The following SMOC2 variants were observed in gnomAD, a reference collection of about 807,000 sequenced individuals.
SMOC2 encodes the protein SPARC-related modular calcium-binding protein 2.
A neutral mutation model predicts 61.4 loss-of-function variants in SMOC2; 39 were observed. That is an observed-to-expected ratio of 0.64 (90% CI 0.49 to 0.83). The LOEUF (loss-of-function observed/expected upper bound fraction) is 0.83. SMOC2 is among the 40% of genes least tolerant of loss of function. The probability of loss-of-function intolerance (pLI) is 0.00; values close to 1 mark genes in which losing one functional copy is unlikely to be tolerated. For missense variants in SMOC2, 556 were observed against 592.9 expected (o/e 0.94, Z 0.65); for synonymous variants, 247 against 239.9 (o/e 1.03, Z -0.27).
intron 7 of SMOC2, among the ~76,000 whole-genome samples, chr6:168,566,636 C>T (rs970959348): frequency 3.9e-5 from 6 of 151,966 alleles, no homozygotes; most frequent in African/African-American, 1.2e-4. Context: ...CACGTGGCAC[C>T]ACACCCGGCC....
chr6:168,631,320 C>T (rs1325268448), intron 9 of SMOC2, among the ~76,000 whole-genome samples: 1 of 152,140 alleles, frequency 6.6e-6, no homozygotes, highest in East Asian at 1.9e-4. Flanking sequence ...AAAGTCAGGC[C>T]TTGGAGCATC....
intron 4 of SMOC2, among the ~76,000 whole-genome samples, chr6:168,532,920 C>A (rs926266124): frequency 3.3e-5 from 5 of 152,142 alleles, no homozygotes; most frequent in African/African-American, 1.2e-4. Context: ...CTGTGTCTGG[C>A]GTAGAAGGAG....
chr6:168,519,374 GAC>G (rs758968523), intron 2 of SMOC2, among the ~76,000 whole-genome samples: 4 of 152,216 alleles, frequency 2.6e-5, no homozygotes, highest in Admixed American at 1.3e-4. Flanking sequence ...TCTTCCAGCA[GAC>G]ACAGTTATCA....
intron 9 of SMOC2, among the ~76,000 whole-genome samples, chr6:168,637,010 C>T (rs1786757069): frequency 6.7e-6 from 1 of 150,202 alleles, no homozygotes; most frequent in Non-Finnish European, 1.5e-5. Flanking sequence ...TCACTCATTC[C>T]AAGTCCTCTC....
chr6:168,510,940 G>A (rs4708745), intron 2 of SMOC2, among the ~76,000 whole-genome samples: 59,893 of 151,878 alleles, frequency 0.39, 13,016 homozygotes, highest in East Asian at 0.59. Context: ...TCCTATATAC[G>A]GTCACAAGGA....
chr6:168,575,407 A>T (rs115694321), intron 7 of SMOC2, among the ~76,000 whole-genome samples: 164 of 152,310 alleles, frequency 1.1e-3, no homozygotes, highest in African/African-American at 3.9e-3. Flanking sequence ...TGTTGGGAAG[A>T]TAAATGCATA....
intron 9 of SMOC2, among the ~76,000 whole-genome samples, chr6:168,618,337 G>T (rs1583164952): frequency 6.6e-6 from 1 of 152,212 alleles, no homozygotes; most frequent in African/African-American, 2.4e-5. Context: ...GTCAAGGAGA[G>T]GCAGGTAGTG....
intron 7 of SMOC2, among the ~76,000 whole-genome samples, chr6:168,557,347 A>G (rs956113710): frequency 6.6e-6 from 1 of 152,220 alleles, no homozygotes; most frequent in African/African-American, 2.4e-5. Context: ...AAAAATATGC[A>G]TAACTAAATT....
At chr6:168,474,149 G>C (rs1018215804) in intron 1 of SMOC2, among the ~76,000 whole-genome samples, 2 of 152,110 alleles carry the variant, frequency 1.3e-5, no homozygotes, top group Non-Finnish European at 2.9e-5. Context: ...TTTAGCACAG[G>C]TGGGGAGGAA....
chr6:168,573,049 G>T (rs1290411409), intron 7 of SMOC2, among the ~76,000 whole-genome samples: 1 of 90,398 alleles, frequency 1.1e-5, no homozygotes, highest in African/African-American at 6.4e-5. Context: ...TTTCCTCCCC[G>T]CATCCCCGGG....
intron 10 of SMOC2, among the ~76,000 whole-genome samples, chr6:168,652,347 G>C (rs937939241): frequency 6.6e-6 from 1 of 152,158 alleles, no homozygotes; most frequent in Non-Finnish European, 1.5e-5. Flanking sequence ...GAATCCAGGG[G>C]CCAGCACCTC....
chr6:168,456,188 G>T (rs965069877), intron 1 of SMOC2, among the ~76,000 whole-genome samples: 15 of 152,248 alleles, frequency 9.9e-5, no homozygotes, highest in African/African-American at 3.4e-4. Context: ...TGGTTCAATT[G>T]CTAGATAGTT....
Position 168,469,522 on chromosome 6 carries a change from A to G in SMOC2, c.84+28068A>G, listed in dbSNP as rs201743486. ...GGGTCAGGGTTTGAATACAGAAGCA[A>G]TTTTGTAAATCTTTCTGTTCGTAAA... On this transcript the variant is annotated intron_variant, in intron 1 of 12. Transcript: ENST00000356284. Among the ~76,000 whole-genome samples, 21 of 152,328 alleles carry G rather than the reference A, an allele frequency of 1.4e-4. No individual in the cohort carries two copies. The East Asian group carries it at 4.1e-3, about 29-fold the overall frequency.
At chr6:168,555,303 C>T (rs749889170) in intron 7 of SMOC2, among the ~76,000 whole-genome samples, 1 of 152,258 alleles carries the variant, frequency 6.6e-6, no homozygotes, top group Non-Finnish European at 1.5e-5. Context: ...AATTCACCCA[C>T]TCTTGTCTCC....
At chr6:168,658,905 G>A (rs1254299639) in intron 11 of SMOC2, among the ~76,000 whole-genome samples, 1 of 151,418 alleles carries the variant, frequency 6.6e-6, no homozygotes, top group African/African-American at 2.4e-5. Flanking sequence ...TATGTGTGGT[G>A]TGTGTGGTGT....
intron 4 of SMOC2, among the ~76,000 whole-genome samples, chr6:168,541,730 C>T (rs1173835650): frequency 1.3e-5 from 2 of 152,144 alleles, no homozygotes; most frequent in African/African-American, 2.4e-5. Context: ...TATCAAGGGA[C>T]GCTGGGTTCT....
chr6:168,653,379 G>C, intron 11 of SMOC2, 151 bp downstream of exon 11: 2 of 942,896 alleles, frequency 2.1e-6, no homozygotes, highest in South Asian at 3.5e-5. Context: ...TCTGTTTGCA[G>C]AAATAATAAT....
chr6:168,509,818 TC>T, intron 1 of SMOC2, 96 bp from the exon 2 acceptor site: 1 of 1,260,918 alleles, frequency 7.9e-7, no homozygotes, highest in Non-Finnish European at 1.1e-6. Context: ...AAGCTTTCAT[TC>T]CCTGACCGTG....
chr6:168,457,427 C>T (rs1238231823), intron 1 of SMOC2, among the ~76,000 whole-genome samples: 2 of 151,458 alleles, frequency 1.3e-5, no homozygotes, highest in Non-Finnish European at 1.5e-5. Flanking sequence ...CGGCACCCAC[C>T]GACCCTGCAC....
Sources: allele counts gnomAD v4.1 joint callset (sites outside exome capture counted in the v4.1 genomes callset), GRCh38; gene constraint gnomAD v4.1.1; transcripts MANE v1.5; gene names NCBI Gene and HGNC (gene_info 2026-07-23, HGNC 2026-07-21).